Variants in MRAP observed in about 807,000 individuals in gnomAD.
The protein encoded by MRAP is melanocortin-2 receptor accessory protein.
MRAP carries 8 observed loss-of-function variants against 8.7 expected under a neutral mutation model. The observed-to-expected ratio is 0.92, with a 90% CI of 0.54 to 1.66. MRAP has a LOEUF of 1.66. Ranked by LOEUF, MRAP falls within the 40% of genes most tolerant of loss-of-function variation. The pLI, the probability that MRAP is intolerant of heterozygous loss-of-function variation, is 0.00. For synonymous variants in MRAP, 95 were observed against 95.5 expected, an observed-to-expected ratio of 1.00 and a Z score of 0.03; for missense variants, 237 against 217.1, an observed-to-expected ratio of 1.09 and a Z score of -0.58.
In MRAP at chr21:32,311,723, C is replaced by T. The variant is rs541232131; in HGVS notation, c.246C>T (p.His82=). ...PKHHQTCPWS[H]GLNLHLCIQK... ...ACCACCAAACATGCCCCTGGAGTCACGGCCTCAACCTCCACCTCTGCATCC... is the reference window on the plus strand; with the variant it reads ...ACCACCAAACATGCCCCTGGAGTCATGGCCTCAACCTCCACCTCTGCATCC... Residue 82 remains histidine (H), a synonymous_variant, in exon 3 of 3, where the codon CAC becomes CAT. Coordinates refer to ENST00000303645, the MANE Select transcript of MRAP (RefSeq NM_001379228.1). The T allele has an allele frequency of 1.3e-5, 21 of 1,613,886 alleles. No individual in the cohort carries two copies. The East Asian group carries it at 3.3e-4, about 26-fold the overall frequency.
At chr21:32,298,793 C>T (rs1330693946), upstream of MRAP, 1 of 606,678 alleles carries the variant, frequency 1.6e-6, no homozygotes, top group Non-Finnish European at 3.0e-6. Context: ...AGACACACCC[C>T]CCTGACCTTT....
chr21:32,302,617 C>A (rs527244620), intron 1 of MRAP, among the ~76,000 whole-genome samples: 1 of 152,350 alleles, frequency 6.6e-6, no homozygotes, highest in South Asian at 2.1e-4. Context: ...GAACTCACAT[C>A]CTTCTAGCTC....
At chr21:32,311,587 G>C (rs1190887949) in intron 2 of MRAP, 97 bp from the exon 3 acceptor site, 1 of 1,526,910 alleles carries the variant, frequency 6.5e-7, no homozygotes, top group Non-Finnish European at 8.8e-7. Flanking sequence ...ATGGGGTCCG[G>C]GCAGATGGCA....
At chr21:32,294,955 CATTT>C (rs1396782803), upstream of MRAP, among the ~76,000 whole-genome samples, 2 of 151,850 alleles carry the variant, frequency 1.3e-5, no homozygotes, top group African/African-American at 4.8e-5. Context: ...TAACAGAAAA[CATTT>C]ATGATAGTAT....
At chr21:32,311,416 C>G (rs909287202) in intron 2 of MRAP, 3 of 278,138 alleles carry the variant, frequency 1.1e-5, no homozygotes, top group Non-Finnish European at 6.7e-6. Flanking sequence ...CCACCCCCCA[C>G]CCCCCCCATC....
At chr21:32,303,893 C>T (rs1425161768) in intron 1 of MRAP, among the ~76,000 whole-genome samples, 1 of 152,170 alleles carries the variant, frequency 6.6e-6, no homozygotes, top group African/African-American at 2.4e-5. Flanking sequence ...TGACTATTGG[C>T]TGACGATTGC....
At chr21:32,293,853 A>C (rs2032093267) in intron 2 of MRAP, among the ~76,000 whole-genome samples, 1 of 152,002 alleles carries the variant, frequency 6.6e-6, no homozygotes. Context: ...CTAATGTCAA[A>C]GGGGCAACAT....
chr21:32,292,378 T>C (rs2032064889), intron 1 of MRAP, among the ~76,000 whole-genome samples: 1 of 152,232 alleles, frequency 6.6e-6, no homozygotes, highest in Admixed American at 6.5e-5. Context: ...TTATCTATGA[T>C]AAAAATTGAG....
rs761406677 is a variant in MRAP at position 32,306,790 on chromosome 21, A to G, written c.206+51A>G. 3.7e-5 allele frequency: 52 copies of G among 1,389,248 alleles called. 2 individuals carry two copies. In the South Asian group the frequency reaches 5.2e-4, roughly 14 times the overall value. 86.1% of individuals were successfully genotyped at this position (1,389,248 alleles called of 1,614,324 possible). On this transcript the variant is annotated intron_variant, in intron 2 of 2. Coordinates refer to ENST00000303645, the MANE Select transcript of MRAP (RefSeq NM_001379228.1). ...TGGGTCACTCAGACGCTCTCCAGTG[A>G]GTAACAGTGCAGGTTGAGTATCCCT...
upstream of MRAP, among the ~76,000 whole-genome samples, chr21:32,298,210 G>C (rs997866058): frequency 6.6e-6 from 1 of 152,160 alleles, no homozygotes; most frequent in Non-Finnish European, 1.5e-5. Context: ...GTCACGTGTG[G>C]TATCAGCCAA....
At chr21:32,305,808 C>T (rs2032401768) in intron 1 of MRAP, among the ~76,000 whole-genome samples, 1 of 152,060 alleles carries the variant, frequency 6.6e-6, no homozygotes, top group African/African-American at 2.4e-5. Flanking sequence ...CAGACAACCA[C>T]CAAGAAAAAC....
At chr21:32,299,451 C>G (rs2032207682) in intron 1 of MRAP, among the ~76,000 whole-genome samples, 1 of 152,148 alleles carries the variant, frequency 6.6e-6, no homozygotes, top group South Asian at 2.1e-4. Context: ...CCTCCTACCT[C>G]AGCCTCCCAA....
Position 32,303,320 on chromosome 21 carries a change from G to C in MRAP, c.107-3320G>C, listed in dbSNP as rs78829251. On this transcript the variant is annotated intron_variant, in intron 1 of 2. Coordinates refer to ENST00000303645, the MANE Select transcript of MRAP (RefSeq NM_001379228.1). Reference sequence around the variant, plus strand: ...TCTGCTGGAACTCTGGAACCCAAACGTTAGTAGAATGAAGAATGGAGGAAT... The same window carrying C: ...TCTGCTGGAACTCTGGAACCCAAACCTTAGTAGAATGAAGAATGGAGGAAT... Among the ~76,000 whole-genome samples the C allele has an allele frequency of 4.8e-3, 732 of 152,208 alleles. 6 individuals are homozygous for C. The highest frequency in any genetic ancestry group is 0.016 in the African/African-American group (681 of 41,530).
chr21:32,294,989 CT>C (rs1355267049), upstream of MRAP, among the ~76,000 whole-genome samples: 1 of 151,734 alleles, frequency 6.6e-6, no homozygotes, highest in Non-Finnish European at 1.5e-5. Context: ...ATTAATTACA[CT>C]TAAAAATAAT....
At position 32,305,184 on chromosome 21, in the gene MRAP, T is replaced by C. The variant is rs980894714; in HGVS notation, c.107-1456T>C. 2.6e-5 allele frequency among the ~76,000 whole-genome samples: 4 copies of C among 152,108 alleles called. No homozygotes were observed. In the East Asian group the frequency reaches 7.7e-4, roughly 29 times the overall value. The stretch of plus-strand genomic sequence containing the variant: ...TGGGGTCTTGCTATGTTGTCCAGGC[T>C]GGTCTCGAACTCCTGGACTCGAGTG... On this transcript the variant is annotated intron_variant, in intron 1 of 2. Transcript: ENST00000303645.
intron 1 of MRAP, among the ~76,000 whole-genome samples, chr21:32,303,060 A>C (rs1248963477): frequency 6.8e-6 from 1 of 146,304 alleles, no homozygotes; most frequent in Non-Finnish European, 1.5e-5. Flanking sequence ...GCTCACTGCA[A>C]CCTCTGCCTC....
In MRAP at chr21:32,292,795, C is replaced by G. The variant is rs754928564; in HGVS notation, c.-150-198C>G. ...TGGGCATGGTGTGAGCCACCATGCC[C>G]AGCCATTAAAATGTAACTTTTATAG... On this transcript the variant is annotated intron_variant, in intron 1 of 4. Transcript: ENST00000399784. Among the ~76,000 whole-genome samples, 16 of 151,848 alleles carry G rather than the reference C, an allele frequency of 1.1e-4. 1 individual carries two copies. Among genetic ancestry groups the G allele is most frequent in the Non-Finnish European group, 2.1e-4 (14 of 67,916 alleles).
At chr21:32,296,443 T>C (rs71323319), upstream of MRAP, among the ~76,000 whole-genome samples, 8,330 of 152,248 alleles carry the variant, frequency 0.055, 330 homozygotes, top group Middle Eastern at 0.11. Flanking sequence ...GGGATGTCTT[T>C]GTGATATTTT....
At chr21:32,306,274 G>A (rs959827959) in intron 1 of MRAP, among the ~76,000 whole-genome samples, 2 of 151,622 alleles carry the variant, frequency 1.3e-5, no homozygotes, top group Non-Finnish European at 2.9e-5. Context: ...AACACACAGA[G>A]CTGCCCACAG....
Sources: allele counts gnomAD v4.1 joint callset (sites outside exome capture counted in the v4.1 genomes callset), GRCh38; gene constraint gnomAD v4.1.1; transcripts MANE v1.5; gene names NCBI Gene and HGNC (gene_info 2026-07-23, HGNC 2026-07-21).